Variants in OGDH observed in about 807,000 individuals in gnomAD.
The protein encoded by OGDH is oxoglutarate dehydrogenase.
OGDH carries 38 observed loss-of-function variants against 116.6 expected under a neutral mutation model. The ratio of observed to expected loss-of-function variants is 0.33; its 90% confidence interval spans 0.25 to 0.43. OGDH has a LOEUF of 0.43. OGDH is among the 20% of genes least tolerant of loss of function. The probability of loss-of-function intolerance (pLI) is 1.00; values close to 1 mark genes in which losing one functional copy is unlikely to be tolerated. For synonymous variants in OGDH, 488 were observed against 533.3 expected (o/e 0.92, Z 1.17); for missense variants, 825 against 1,357.2 (o/e 0.61, Z 6.16).
rs774635249 is a variant in OGDH, at chr7:44,676,106, C to G, written c.1163C>G (p.Thr388Ser). 16 of 1,614,032 alleles carry G rather than the reference C, an allele frequency of 9.9e-6. No individual in the cohort carries two copies. The highest frequency in any genetic ancestry group is 1.4e-5 in the Non-Finnish European group (16 of 1,180,014). ...GCTGACCCCGTGGTGATGGGCAAGA[C>G]CAAAGCCGAACAGTTTTACTGTGGC... ...EAADPVVMGKTKAEQFYCGDT... is the reference protein window; with the variant it reads ...EAADPVVMGKSKAEQFYCGDT... Residue 388 changes from threonine (T) to serine (S), a missense_variant, in exon 9 of 23, where the codon ACC becomes AGC. Thr to Ser is a moderately conservative substitution (Grantham distance 58). Around this residue, in one of 7 missense-constraint regions of OGDH, gnomAD observed 146 missense variants for 317.3 expected, o/e 0.46. Transcript: ENST00000222673.
intron 2 of OGDH, among the ~76,000 whole-genome samples, chr7:44,641,288 C>T (rs73327393): frequency 7.7e-6 from 1 of 130,626 alleles, no homozygotes; most frequent in Non-Finnish European, 1.6e-5. Flanking sequence ...TACAATGGTG[C>T]GATCTCAGCT....
intron 1 of OGDH, among the ~76,000 whole-genome samples, chr7:44,617,017 C>A (rs868840262): frequency 6.8e-6 from 1 of 146,456 alleles, no homozygotes. Flanking sequence ...TCACAGTAAC[C>A]ACCTCCCGGG....
intron 4 of OGDH, among the ~76,000 whole-genome samples, chr7:44,655,728 G>A (rs1235086274): frequency 1.2e-4 from 18 of 152,220 alleles, no homozygotes; most frequent in Admixed American, 1.2e-3. Flanking sequence ...ACAGGTAGAA[G>A]GAAGTGTACA....
In OGDH at chr7:44,694,710, A is replaced by G; in HGVS notation, c.1668+134A>G. 4 of 1,003,232 alleles carry G rather than the reference A, an allele frequency of 4.0e-6. No homozygotes were observed. The highest frequency in any genetic ancestry group is 2.6e-5 in the East Asian group (1 of 38,352). 62.1% of individuals were successfully genotyped at this position (1,003,232 alleles called of 1,614,324 possible). A position where few individuals can be genotyped will look rare whatever the true frequency, so the allele number is the denominator to read the frequency against. On this transcript the variant is annotated intron_variant, in intron 12 of 22. Transcript: ENST00000222673. This position sits in a 1 kb window ranked among gnomAD's most constrained non-coding sequence, Gnocchi z 4.2. ...GAGAGGATGTGAAATATTTACAACT[A>G]CAGCATTTCAATGCATAACTTTTTG...
chr7:44,675,410 A>T (rs1277231273), intron 8 of OGDH, 142 bp downstream of exon 8: 2 of 734,228 alleles, frequency 2.7e-6, no homozygotes, highest in Non-Finnish European at 4.7e-6. Context: ...GGAGAATTTT[A>T]GTGTTGGGAC....
intron 1 of OGDH, among the ~76,000 whole-genome samples, chr7:44,619,602 T>A (rs1396679652): frequency 6.6e-6 from 1 of 152,200 alleles, no homozygotes; most frequent in Non-Finnish European, 1.5e-5. Flanking sequence ...GCTGTTATAT[T>A]CTATAGATAT....
intron 2 of OGDH, among the ~76,000 whole-genome samples, chr7:44,637,472 G>A (rs1367744417): frequency 6.6e-6 from 1 of 152,170 alleles, no homozygotes; most frequent in Non-Finnish European, 1.5e-5. Flanking sequence ...ATAGTTAATA[G>A]ATATTTGTTG....
At chr7:44,634,776 G>A (rs965742732) in intron 2 of OGDH, among the ~76,000 whole-genome samples, 2 of 152,176 alleles carry the variant, frequency 1.3e-5, no homozygotes, top group East Asian at 3.9e-4. Context: ...TCTGGCCTGG[G>A]CAAGGTCTGA....
chr7:44,658,494 G>A (rs1226711229), intron 4 of OGDH, among the ~76,000 whole-genome samples: 6 of 138,998 alleles, frequency 4.3e-5, no homozygotes, highest in Non-Finnish European at 6.1e-5. Flanking sequence ...TTTCTATATA[G>A]ACAGTCATGT....
chr7:44,668,915 T>C (rs1340374638), intron 5 of OGDH, among the ~76,000 whole-genome samples: 1 of 152,218 alleles, frequency 6.6e-6, no homozygotes, highest in Admixed American at 6.5e-5. Context: ...CTGTTGAATG[T>C]TGCTGATCTG....
intron 4 of OGDH, among the ~76,000 whole-genome samples, chr7:44,652,890 C>G (rs1210065975): frequency 6.6e-6 from 1 of 152,148 alleles, no homozygotes; most frequent in African/African-American, 2.4e-5. Context: ...TCTTTTTCCA[C>G]TGGCTCTTGA....
At chr7:44,695,194 CA>C (rs1788527827) in intron 12 of OGDH, among the ~76,000 whole-genome samples, 1 of 152,082 alleles carries the variant, frequency 6.6e-6, no homozygotes, top group African/African-American at 2.4e-5. Flanking sequence ...CTCCTTACTT[CA>C]AGCAGTTTTC....
chr7:44,701,935 G>A lies in OGDH; in HGVS notation c.2632+320G>A, dbSNP rs920566109. ...AAAAATACAAAATTAGCCAGGCGTAGTGCCACATGTCTGTAATCCCAGCTA... is the reference window on the plus strand; with the variant it reads ...AAAAATACAAAATTAGCCAGGCGTAATGCCACATGTCTGTAATCCCAGCTA... On this transcript the variant is annotated intron_variant, in intron 20 of 22. Transcript: ENST00000222673. 2.6e-5 allele frequency among the ~76,000 whole-genome samples: 4 copies of A among 152,230 alleles called. No homozygotes were observed. In the East Asian group the frequency reaches 7.7e-4, roughly 29 times the overall value.
At chr7:44,674,790 C>T (rs1217361988) in intron 7 of OGDH, 2 of 572,836 alleles carry the variant, frequency 3.5e-6, no homozygotes, top group East Asian at 5.9e-5. Context: ...TTCAGACTGG[C>T]ATTTGGCCTT....
intron 3 of OGDH, 73 bp downstream of exon 3, chr7:44,645,591 G>GGCCTTTCT: frequency 7.0e-7 from 1 of 1,426,888 alleles, no homozygotes; most frequent in Admixed American, 2.1e-5. Flanking sequence ...GGGCCCTATT[G>GGCCTTTCT]GCCTTTCTGA....
At position 44,697,023 on chromosome 7, in the gene OGDH, C is replaced by T. The variant is rs750567762; in HGVS notation, c.2010C>T (p.His670=). The change falls in exon 15 of 23, where the codon CAC becomes CAT. Residue 670 remains histidine, a synonymous_variant. Transcript: ENST00000222673. The surrounding 1 kb of genome is among the most constrained non-coding windows in gnomAD (Gnocchi z 6.0). The part of the protein sequence containing the change: ...AFGSLLKEGI[H]IRLSGQDVER... ...GCTCGCTCCTGAAGGAGGGCATCCA[C>T]ATTCGGCTGAGCGGCCAGGACGTGG... The T allele has an allele frequency of 6.2e-7, 1 of 1,614,248 alleles. No homozygotes were observed. The highest frequency in any genetic ancestry group is 1.7e-5 in the Admixed American group (1 of 60,032).
In OGDH at chr7:44,694,036, C is replaced by A. The variant is rs777653326; in HGVS notation, c.1515+32C>A. Reference sequence around the variant, plus strand: ...GACTCTGGGGACAGCACGTCCTGGGCAGAGCATCTGACCCACCCCTCTTGC... The same window carrying A: ...GACTCTGGGGACAGCACGTCCTGGGAAGAGCATCTGACCCACCCCTCTTGC... On this transcript the variant is annotated intron_variant, in intron 11 of 22. Coordinates refer to ENST00000222673, the MANE Select transcript of OGDH (RefSeq NM_002541.4). The surrounding 1 kb of genome is among the most constrained non-coding windows in gnomAD (Gnocchi z 4.2). 3.5e-5 allele frequency: 55 copies of A among 1,586,900 alleles called. No individual in the cohort carries two copies. The highest frequency in any genetic ancestry group is 4.7e-5 in the Non-Finnish European group (55 of 1,161,530).
chr7:44,700,168 A>C lies in OGDH; in HGVS notation c.2458A>C (p.Asn820His), dbSNP rs151001666. The change falls in exon 19 of 23, where the codon AAT becomes CAT. Residue 820 changes from asparagine (N) to histidine (H), a missense_variant. Physicochemically the swap from Asn to His is moderately conservative, Grantham distance 68. Coordinates refer to ENST00000222673, the MANE Select transcript of OGDH (RefSeq NM_002541.4). ...PDLKEANFDINQLYDCNWVVV... is the reference protein window; with the variant it reads ...PDLKEANFDIHQLYDCNWVVV... ...CCTTAAAGAAGCCAACTTCGACATC[A>C]ATCAGCTATATGACTGCAATTGGGT... is the stretch of plus-strand genomic sequence containing the variant. The C allele has an allele frequency of 6.2e-7, 1 of 1,614,028 alleles. No homozygotes were observed. Among genetic ancestry groups the C allele is most frequent in the East Asian group, 2.2e-5 (1 of 44,902 alleles).
intron 1 of OGDH, among the ~76,000 whole-genome samples, chr7:44,611,867 CTTTT>C (rs35002927): frequency 2.0e-5 from 3 of 150,410 alleles, no homozygotes; most frequent in Non-Finnish European, 3.0e-5. Flanking sequence ...TTGTGGCCAG[CTTTT>C]TTTGAGTCCT....
Sources: gnomAD v4.1 joint callset for allele counts (sites outside exome capture counted in the v4.1 genomes callset) on GRCh38, gnomAD v4.1.1 for gene constraint, gnomAD v4.1.1 regional missense constraint, Gnocchi (gnomAD v3.1) non-coding constraint, MANE v1.5 for transcripts, NCBI Gene and HGNC (gene_info 2026-07-23, HGNC 2026-07-21) for gene names.